DLST: variants seen among roughly 807,000 people sequenced by gnomAD.
The protein encoded by DLST is dihydrolipoyllysine-residue succinyltransferase component of 2-oxoglutarate dehydrogenase complex, mitochondrial.
In DLST, 17 loss-of-function variants were observed where a neutral mutation model predicts 53.1. That is an observed-to-expected ratio of 0.32 (90% confidence interval 0.22 to 0.48). The LOEUF is 0.48. Among genes scored for constraint, DLST ranks in the 20% least tolerant of loss-of-function variants. The pLI is 0.99. For synonymous variants in DLST, 206 were observed against 204.8 expected, an observed-to-expected ratio of 1.01 and a Z score of -0.05; for missense variants, 512 against 583.9, an observed-to-expected ratio of 0.88 and a Z score of 1.27.
At position 74,889,248 on chromosome 14, in the gene DLST, T is replaced by C. The variant is rs369555129; in HGVS notation, c.200-27T>C. On this transcript the variant is annotated intron_variant, in intron 4 of 14. Coordinates refer to ENST00000334220, the MANE Select transcript of DLST (RefSeq NM_001933.5). ...TTAAAAAGGAAAAATGAACTACTTA[T>C]GATTTTCTTTTTTGCATTTTTCCTA... is the stretch of plus-strand genomic sequence containing the variant. 23 of 1,609,820 alleles carry C rather than the reference T, an allele frequency of 1.4e-5. No individual in the cohort carries two copies. The African/African-American group carries it at 2.3e-4, about 16-fold the overall frequency.
chr14:74,897,189 A>G (rs534272542), intron 10 of DLST, among the ~76,000 whole-genome samples: 6 of 152,328 alleles, frequency 3.9e-5, no homozygotes, highest in African/African-American at 1.4e-4. Context: ...AGCACTAAAT[A>G]AGGTTAGAAT....
chr14:74,890,287 C>T (rs931600782), intron 6 of DLST, among the ~76,000 whole-genome samples: 2 of 151,914 alleles, frequency 1.3e-5, no homozygotes, highest in Admixed American at 1.3e-4. Context: ...GCCACAACGC[C>T]GGGCTAATTT....
chr14:74,893,899 A>T (rs993363965), intron 9 of DLST, among the ~76,000 whole-genome samples: 1 of 152,208 alleles, frequency 6.6e-6, no homozygotes, highest in Non-Finnish European at 1.5e-5. Flanking sequence ...CTTCCTAAAA[A>T]TATGATAGCC....
chr14:74,900,151 CTT>C (rs1380650549), intron 12 of DLST, 136 bp from the exon 13 acceptor site: 3 of 1,088,198 alleles, frequency 2.8e-6, no homozygotes. Flanking sequence ...ATGCCGCATT[CTT>C]TTAACACTTT....
chr14:74,901,110 C>T lies in DLST; in HGVS notation c.1104C>T (p.Thr368=). 2.5e-6 allele frequency: 4 copies of T among 1,614,150 alleles called. No homozygotes were observed. Among genetic ancestry groups the T allele is most frequent in the Non-Finnish European group, 3.4e-6 (4 of 1,180,004 alleles). The change falls in exon 14 of 15, where the codon ACC becomes ACT. Residue 368 remains threonine (T), a synonymous_variant. Coordinates refer to ENST00000334220, the MANE Select transcript of DLST (RefSeq NM_001933.5). ...CCATTGAAGATATGGATGGCGGTAC[C>T]TTCACCATTAGCAATGGAGGCGTTT... ...ELAIEDMDGG[T]FTISNGGVFG... is the part of the protein sequence containing the mutation.
chr14:74,894,454 G>A, intron 10 of DLST, 45 bp downstream of exon 10: 1 of 1,595,716 alleles, frequency 6.3e-7, no homozygotes, highest in Non-Finnish European at 8.6e-7. Flanking sequence ...CTTTTTCTTA[G>A]AGAACACGAA....
In DLST at chr14:74,891,075, C is replaced by G. The variant is rs1448494544; in HGVS notation, c.350C>G (p.Ser117Ter). The G allele has an allele frequency of 6.2e-7, 1 of 1,613,368 alleles. No homozygotes were observed. The change falls in exon 7 of 15, where the codon TCA (serine) becomes TGA (stop). Residue 117 changes from serine (S) to a stop codon, truncating the protein, a stop_gained. Coordinates refer to ENST00000334220, the MANE Select transcript of DLST (RefSeq NM_001933.5). LOFTEE classifies it high-confidence loss of function. ...ETDKTSVQVPSPANGVIEALL... is the reference protein window; with the variant it reads ...ETDKTSVQVP The stretch of plus-strand genomic sequence containing the variant: ...TTCCAGACATCTGTGCAGGTTCCAT[C>G]ACCAGCAAATGGCGTGATTGAAGCT...
At chr14:74,889,979 C>T (rs751866899) in intron 6 of DLST, 27 bp downstream of exon 6, 2 of 1,607,102 alleles carry the variant, frequency 1.2e-6, no homozygotes, top group Admixed American at 1.7e-5. Flanking sequence ...TTCGTACCAG[C>T]TTTTCATGGG....
chr14:74,900,219 A>G, intron 12 of DLST, 70 bp from the exon 13 acceptor site: 2 of 1,433,216 alleles, frequency 1.4e-6, no homozygotes, highest in Non-Finnish European at 2.0e-6. Context: ...CATGGGTTGA[A>G]TCAAGGGAGT....
chr14:74,882,503 T>C (rs1883559916), intron 1 of DLST, 88 bp from the exon 2 acceptor site: 6 of 1,358,576 alleles, frequency 4.4e-6, no homozygotes, highest in Non-Finnish European at 6.3e-6. Context: ...TCACCACCAC[T>C]GGGACAGCTT....
In DLST at chr14:74,894,387, A is replaced by T; in HGVS notation, c.748A>T (p.Thr250Ser). 2 of 1,614,136 alleles carry T rather than the reference A, an allele frequency of 1.2e-6. No homozygotes were observed. Among genetic ancestry groups the T allele is most frequent in the Non-Finnish European group, 1.7e-6 (2 of 1,180,006 alleles). Reference protein sequence around the residue: ...EAQNTCAMLTTFNEIDMSNIQ... With the variant: ...EAQNTCAMLTSFNEIDMSNIQ... ...CCAGAATACATGTGCAATGCTGACA[A>T]CTTTTAATGAGATTGACATGAGGTA... Residue 250 changes from threonine to serine, a missense_variant, in exon 10 of 15, where the codon ACT (threonine) becomes TCT (serine). Thr to Ser is a moderately conservative substitution (Grantham distance 58, BLOSUM62 1). Around this residue, in one of 4 missense-constraint regions of DLST, gnomAD observed 162 missense variants for 162.0 expected, o/e 1.00. Coordinates refer to ENST00000334220, the MANE Select transcript of DLST (RefSeq NM_001933.5).
At chr14:74,890,228 A>G (rs1883858191) in intron 6 of DLST, among the ~76,000 whole-genome samples, 1 of 150,424 alleles carries the variant, frequency 6.6e-6, no homozygotes, top group African/African-American at 2.5e-5. Flanking sequence ...CCTGGGTTCA[A>G]GCGATTCTCC....
chr14:74,889,975 C>T (rs1883846050), intron 6 of DLST, 23 bp downstream of exon 6: 1 of 1,609,032 alleles, frequency 6.2e-7, no homozygotes, highest in Admixed American at 1.7e-5. Context: ...TATATTCGTA[C>T]CAGCTTTTCA....
intron 2 of DLST, among the ~76,000 whole-genome samples, chr14:74,883,519 C>T (rs2140184484): frequency 6.6e-6 from 1 of 152,162 alleles, no homozygotes; most frequent in Admixed American, 6.5e-5. Context: ...AGATTTTATC[C>T]TAGCAGTTAA....
chr14:74,891,489 A>G (rs10130971), intron 7 of DLST: 71,608 of 1,008,926 alleles, frequency 0.071, 2,833 homozygotes, highest in African/African-American at 0.15. Flanking sequence ...AAATGCTCCA[A>G]AACTGAAAAT....
chr14:74,882,116 G>T, intron 1 of DLST, 100 bp downstream of exon 1: 9 of 1,132,346 alleles, frequency 7.9e-6, no homozygotes, highest in Non-Finnish European at 1.0e-5. Context: ...GCCGGGCCGG[G>T]CACCAAGGGC....
chr14:74,899,759 A>T lies in DLST; in HGVS notation c.902-164A>T, dbSNP rs4566077. Among the ~76,000 whole-genome samples the T allele has an allele frequency of 6.8e-3, 1,034 of 152,288 alleles. 47 individuals are homozygous for T. The highest frequency in any genetic ancestry group is 0.06 in the Admixed American group (918 of 15,298). ...AGATACTATACTTGGGATGGGAGTAAGTGGAATGCCAGCTGCCATGCATAA... is the reference window on the plus strand; with the variant it reads ...AGATACTATACTTGGGATGGGAGTATGTGGAATGCCAGCTGCCATGCATAA... On this transcript the variant is annotated intron_variant, in intron 11 of 14. Transcript: ENST00000334220.
chr14:74,887,661 C>G (rs910832667), intron 3 of DLST, among the ~76,000 whole-genome samples: 8 of 152,162 alleles, frequency 5.3e-5, no homozygotes, highest in Non-Finnish European at 7.3e-5. Flanking sequence ...CTCTAGCCCC[C>G]CGAATGCCTC....
At chr14:74,884,854 A>G (rs941763782) in intron 2 of DLST, among the ~76,000 whole-genome samples, 1 of 152,174 alleles carries the variant, frequency 6.6e-6, no homozygotes, top group Admixed American at 6.5e-5. Flanking sequence ...AATCTGAAAG[A>G]AAAAAGACAT....
Sources: gnomAD v4.1 joint callset for allele counts (sites outside exome capture counted in the v4.1 genomes callset) on GRCh38, gnomAD v4.1.1 for gene constraint, gnomAD v4.1.1 regional missense constraint, MANE v1.5 for transcripts, NCBI Gene and HGNC (gene_info 2026-07-23, HGNC 2026-07-21) for gene names.